The following UHMK1 variants were observed in gnomAD, a reference collection of about 807,000 sequenced individuals.
UHMK1 encodes U2AF homology motif kinase 1.
UHMK1 carries 18 observed loss-of-function variants against 44.0 expected under a neutral mutation model. The ratio of observed to expected loss-of-function variants is 0.41; its 90% CI spans 0.28 to 0.61. UHMK1 has a LOEUF of 0.61. UHMK1 is among the 20% of genes least tolerant of loss of function. UHMK1 has a pLI of 0.31. For missense variants in UHMK1, 463 were observed against 522.5 expected (o/e 0.89, Z 1.11); for synonymous variants, 231 against 198.5 (o/e 1.16, Z -1.38).
intron 7 of UHMK1, among the ~76,000 whole-genome samples, 155 bp downstream of exon 7, chr1:162,518,345 C>T (rs1020892381): frequency 2.6e-5 from 4 of 151,970 alleles, no homozygotes; most frequent in Admixed American, 6.6e-5. Flanking sequence ...GTACTTTTTA[C>T]TTCTTCTAAA....
rs911663976 is a variant in UHMK1, at chr1:162,528,448, A to C, written c.*5898A>C. ...TTTTAAGAGTTTGTGAAACCAGATT[A>C]AATATCTATATTCAGTTTGGCCTAA... On this transcript the variant is annotated 3_prime_UTR_variant, in exon 8 of 8. Transcript: ENST00000489294. The C allele has an allele frequency of 6.6e-5, 10 of 152,234 alleles. No homozygotes were observed. Among genetic ancestry groups the C allele is most frequent in the African/African-American group, 2.4e-4 (10 of 41,570 alleles). The allele number at this position is 152,234 out of a possible 1,614,324, so 9.4% of individuals were successfully genotyped here. A position where few individuals can be genotyped will look rare whatever the true frequency, so the allele number is the denominator to read the frequency against.
chr1:162,518,344 ACTT>A (rs1241129068), intron 7 of UHMK1, among the ~76,000 whole-genome samples, 154 bp downstream of exon 7: 1 of 151,950 alleles, frequency 6.6e-6, no homozygotes, highest in East Asian at 1.9e-4. Flanking sequence ...TGTACTTTTT[ACTT>A]CTTCTAAAAG....
In UHMK1 at chr1:162,498,172, C is replaced by A; in HGVS notation, c.172C>A (p.Pro58Thr). The change falls in exon 1 of 8, where the codon CCG becomes ACG. Residue 58 changes from proline (P) to threonine (T), a missense_variant. Coordinates refer to ENST00000489294, the MANE Select transcript of UHMK1 (RefSeq NM_175866.5). Reference protein sequence around the residue: ...SPPGALKQFLPPGTTGAAASA... With the variant: ...SPPGALKQFLTPGTTGAAASA... ...CCCCGGCGCCCTCAAGCAGTTCTTGCCGCCAGGAACCACCGGGGCTGCGGC... is the reference window on the plus strand; with the variant it reads ...CCCCGGCGCCCTCAAGCAGTTCTTGACGCCAGGAACCACCGGGGCTGCGGC... 6.2e-7 allele frequency: 1 copy of A among 1,613,012 alleles called. No homozygotes were observed. The highest frequency in any genetic ancestry group is 1.3e-5 in the African/African-American group (1 of 75,064).
At chr1:162,514,569 G>A (rs1378511816) in intron 6 of UHMK1, among the ~76,000 whole-genome samples, 2 of 152,090 alleles carry the variant, frequency 1.3e-5, no homozygotes, top group African/African-American at 4.8e-5. Flanking sequence ...TAATAGCACT[G>A]ACACACAGTA....
chr1:162,521,786 G>C (rs1652068736), intron 7 of UHMK1, among the ~76,000 whole-genome samples: 1 of 152,114 alleles, frequency 6.6e-6, no homozygotes, highest in South Asian at 2.1e-4. Flanking sequence ...GTGCCACCTT[G>C]CCCAGCTAAT....
At chr1:162,499,258 C>T (rs1036137320) in intron 1 of UHMK1, among the ~76,000 whole-genome samples, 4 of 152,096 alleles carry the variant, frequency 2.6e-5, no homozygotes, top group Non-Finnish European at 4.4e-5. Context: ...TCACTCCAGC[C>T]TCCAATTCCT....
chr1:162,505,849 T>C (rs918730315), intron 4 of UHMK1, among the ~76,000 whole-genome samples: 2 of 152,240 alleles, frequency 1.3e-5, no homozygotes, highest in Non-Finnish European at 2.9e-5. Context: ...ATTAACTCTT[T>C]ACTTTGAAAT....
chr1:162,525,469 G>C lies in UHMK1; in HGVS notation c.*2919G>C, dbSNP rs1652213161. 6.6e-6 allele frequency: 1 copy of C among 152,136 alleles called. No individual in the cohort carries two copies. Among genetic ancestry groups the C allele is most frequent in the African/African-American group, 2.4e-5 (1 of 41,424 alleles). The allele number at this position is 152,136 out of a possible 1,614,324, so 9.4% of individuals were successfully genotyped here. A position where few individuals can be genotyped will look rare whatever the true frequency, so the allele number is the denominator to read the frequency against. ...ATTACTGTGGCACATTGTACACCCA[G>C]AAAAGGCACATACAGTGATTATTTT... On this transcript the variant is annotated 3_prime_UTR_variant, in exon 8 of 8. Transcript: ENST00000489294.
chr1:162,504,233 A>G (rs905848007), intron 4 of UHMK1, among the ~76,000 whole-genome samples: 2 of 152,234 alleles, frequency 1.3e-5, no homozygotes, highest in African/African-American at 4.8e-5. Context: ...TTTTTATTAT[A>G]CTTTAAATAA....
At chr1:162,516,762 ACTCT>A (rs1195517675) in intron 6 of UHMK1, among the ~76,000 whole-genome samples, 1 of 152,188 alleles carries the variant, frequency 6.6e-6, no homozygotes, top group Non-Finnish European at 1.5e-5. Flanking sequence ...ATATGCTTTT[ACTCT>A]CTATTATTAT....
At position 162,528,707 on chromosome 1, in the gene UHMK1, T is replaced by C. The variant is rs1295236982; in HGVS notation, c.*6157T>C. On this transcript the variant is annotated 3_prime_UTR_variant, in exon 8 of 8. Transcript: ENST00000489294. ...AGCTGCATCTCTGTAGATTATTTACTTTGCAGACTGTAAAGCTGCCCTATC... is the reference window on the plus strand; with the variant it reads ...AGCTGCATCTCTGTAGATTATTTACCTTGCAGACTGTAAAGCTGCCCTATC... 1.3e-5 allele frequency: 2 copies of C among 152,148 alleles called. No individual in the cohort carries two copies. Among genetic ancestry groups the C allele is most frequent in the Non-Finnish European group, 2.9e-5 (2 of 67,978 alleles). 9.4% of individuals were successfully genotyped at this position (152,148 alleles called of 1,614,324 possible).
rs1024626056 is a variant in UHMK1, at chr1:162,526,023, A to G, written c.*3473A>G. The G allele has an allele frequency of 2.6e-5, 4 of 152,204 alleles. No homozygotes were observed. The highest frequency in any genetic ancestry group is 4.4e-5 in the Non-Finnish European group (3 of 68,028). 9.4% of individuals were successfully genotyped at this position (152,204 alleles called of 1,614,324 possible). A position where few individuals can be genotyped will look rare whatever the true frequency, so the allele number is the denominator to read the frequency against. On this transcript the variant is annotated 3_prime_UTR_variant, in exon 8 of 8. Transcript: ENST00000489294. The stretch of plus-strand genomic sequence containing the variant: ...AATGCTGCCATATAGAGAAAGCTGA[A>G]GAGAAACCATGGGCAGAAGGCTTTT...
Position 162,529,581 on chromosome 1 carries a change from A to G in UHMK1, c.*7031A>G, listed in dbSNP as rs1395506230. The G allele has an allele frequency of 6.6e-6, 1 of 152,162 alleles. No individual in the cohort carries two copies. Among genetic ancestry groups the G allele is most frequent in the Non-Finnish European group, 1.5e-5 (1 of 68,024 alleles). 9.4% of individuals were successfully genotyped at this position (152,162 alleles called of 1,614,324 possible). On this transcript the variant is annotated 3_prime_UTR_variant, in exon 8 of 8. Transcript: ENST00000489294. ...AATGCTTTCTGATGTGTGTTTGATAAGAGTGATAAAATAAAAGCTTAAAAA... is the reference window on the plus strand; with the variant it reads ...AATGCTTTCTGATGTGTGTTTGATAGGAGTGATAAAATAAAAGCTTAAAAA...
At chr1:162,511,042 C>T (rs937875572) in intron 4 of UHMK1, among the ~76,000 whole-genome samples, 4 of 151,900 alleles carry the variant, frequency 2.6e-5, no homozygotes, top group South Asian at 4.2e-4. Flanking sequence ...TGTTGATTAG[C>T]GATATTGAGC....
chr1:162,519,689 A>G (rs1230557408), intron 7 of UHMK1, among the ~76,000 whole-genome samples: 2 of 152,174 alleles, frequency 1.3e-5, no homozygotes, highest in Non-Finnish European at 2.9e-5. Flanking sequence ...TGAGAGATAG[A>G]ATTTTGGTTT....
intron 4 of UHMK1, among the ~76,000 whole-genome samples, chr1:162,506,653 T>C (rs1651479617): frequency 6.6e-6 from 1 of 152,144 alleles, no homozygotes; most frequent in Non-Finnish European, 1.5e-5. Flanking sequence ...TCATTAAAAG[T>C]CGCTTGGTCT....
At position 162,500,992 on chromosome 1, in the gene UHMK1, A is replaced by G. The variant is rs771274072; in HGVS notation, c.641A>G (p.Gln214Arg). The change falls in exon 3 of 8, where the codon CAG becomes CGG. Residue 214 changes from glutamine (Q) to arginine (R), a missense_variant. This residue lies in a region of UHMK1 where 264 missense variants were observed against 326.3 expected (regional missense o/e 0.81). Coordinates refer to ENST00000489294, the MANE Select transcript of UHMK1 (RefSeq NM_175866.5). ...AATTGCTTGGCCCAGGCTGGCCTGC[A>G]GAGTGATACAGAATGTACCTCAGCT... ...LQNCLAQAGLQSDTECTSAVD... is the reference protein window; with the variant it reads ...LQNCLAQAGLRSDTECTSAVD... 8 of 1,614,170 alleles carry G rather than the reference A, an allele frequency of 5.0e-6. No homozygotes were observed. Among genetic ancestry groups the G allele is most frequent in the Non-Finnish European group, 6.8e-6 (8 of 1,180,026 alleles).
At chr1:162,500,336 G>T (rs1195871781) in intron 2 of UHMK1, 89 bp downstream of exon 2, 3 of 1,416,362 alleles carry the variant, frequency 2.1e-6, no homozygotes, top group Non-Finnish European at 2.8e-6. Context: ...GTTTAGTAGG[G>T]GCTTACAAGT....
chr1:162,524,228 T>A lies in UHMK1; in HGVS notation c.*1678T>A, dbSNP rs528366139. On this transcript the variant is annotated 3_prime_UTR_variant, in exon 8 of 8. Transcript: ENST00000489294. ...TTGCATTTTACAGAATGAAATACTT[T>A]ACCCCATTCAAACAATTATTGTTTG... is the stretch of plus-strand genomic sequence containing the variant. The A allele has an allele frequency of 1.3e-5, 2 of 152,314 alleles. No individual in the cohort carries two copies. Among genetic ancestry groups the A allele is most frequent in the South Asian group, 2.1e-4 (1 of 4,830 alleles). 9.4% of individuals were successfully genotyped at this position (152,314 alleles called of 1,614,324 possible). A position where few individuals can be genotyped will look rare whatever the true frequency, so the allele number is the denominator to read the frequency against.
Sources: allele counts gnomAD v4.1 joint callset (sites outside exome capture counted in the v4.1 genomes callset), GRCh38; gene constraint gnomAD v4.1.1; regional missense constraint gnomAD v4.1.1; transcripts MANE v1.5; gene names NCBI Gene and HGNC (gene_info 2026-07-23, HGNC 2026-07-21).